Variants in CDC42BPB observed in about 807,000 individuals in gnomAD.
The protein encoded by CDC42BPB is serine/threonine-protein kinase MRCK beta.
Under a neutral mutation model 214.9 loss-of-function variants are expected in CDC42BPB, and 37 were observed. The observed-to-expected ratio is 0.17, with a 90% CI of 0.13 to 0.23. The LOEUF is 0.23. Among genes scored for constraint, CDC42BPB ranks in the 10% least tolerant of loss-of-function variants. The pLI is 1.00. For missense variants in CDC42BPB, 1,694 were observed against 2,227.0 expected (o/e 0.76, Z 4.82); for synonymous variants, 931 against 884.0 (o/e 1.05, Z -0.94).
At chr14:103,054,996 C>A (rs911007839) in intron 1 of CDC42BPB, among the ~76,000 whole-genome samples, 2 of 152,276 alleles carry the variant, frequency 1.3e-5, no homozygotes, top group African/African-American at 4.8e-5. Flanking sequence ...AGGCCAGAGG[C>A]CAGTGGGACC....
intron 18 of CDC42BPB, among the ~76,000 whole-genome samples, chr14:102,965,665 G>C (rs551169073): frequency 6.6e-6 from 1 of 152,252 alleles, no homozygotes; most frequent in South Asian, 2.1e-4. Flanking sequence ...GAAGAAAATG[G>C]ACAGAGGAAG....
chr14:103,015,263 AT>A (rs1374512520), intron 1 of CDC42BPB, among the ~76,000 whole-genome samples: 1 of 152,222 alleles, frequency 6.6e-6, no homozygotes, highest in African/African-American at 2.4e-5. Flanking sequence ...GAAAAACATT[AT>A]TTCTCAGAAA....
intron 5 of CDC42BPB, among the ~76,000 whole-genome samples, chr14:102,997,450 C>T (rs759474897): frequency 3.3e-5 from 5 of 152,136 alleles, no homozygotes; most frequent in African/African-American, 9.7e-5. Flanking sequence ...ATGAACGGCT[C>T]GGAAAAGCTG....
intron 8 of CDC42BPB, among the ~76,000 whole-genome samples, chr14:102,980,223 G>A (rs921297325): frequency 3.3e-5 from 5 of 152,216 alleles, no homozygotes; most frequent in Non-Finnish European, 7.3e-5. Context: ...GGCTGGGCGC[G>A]ATGGCTCACG....
intron 2 of CDC42BPB, among the ~76,000 whole-genome samples, chr14:103,010,838 T>G (rs1419299644): frequency 6.6e-6 from 1 of 152,138 alleles, no homozygotes; most frequent in Non-Finnish European, 1.5e-5. Flanking sequence ...AAGACCATCC[T>G]GGCTAACACG....
intron 30 of CDC42BPB, chr14:102,941,682 T>G: frequency 2.6e-6 from 1 of 378,542 alleles, no homozygotes. Context: ...AAGATTCTAG[T>G]GAAACAGATT....
At chr14:103,009,512 C>T in intron 2 of CDC42BPB, among the ~76,000 whole-genome samples, 2 of 152,244 alleles carry the variant, frequency 1.3e-5, no homozygotes, top group East Asian at 3.9e-4. Flanking sequence ...TCCCTTCAAT[C>T]AGAGGAGCTC....
At chr14:102,996,265 G>A (rs575079531) in intron 5 of CDC42BPB, among the ~76,000 whole-genome samples, 475 of 152,180 alleles carry the variant, frequency 3.1e-3, no homozygotes, top group Admixed American at 5.4e-3. Context: ...GCGTGAACCC[G>A]GGAGGCGGAG....
At chr14:103,016,562 A>C (rs1162232984) in intron 1 of CDC42BPB, among the ~76,000 whole-genome samples, 1 of 148,676 alleles carries the variant, frequency 6.7e-6, no homozygotes, top group Admixed American at 6.7e-5. Context: ...AGGGGAGGGA[A>C]CCAGGTGAGG....
intron 18 of CDC42BPB, among the ~76,000 whole-genome samples, chr14:102,965,070 T>G (rs1321844911): frequency 1.3e-5 from 2 of 152,074 alleles, no homozygotes; most frequent in African/African-American, 4.8e-5. Context: ...GTAGCTGGGA[T>G]TACAGGTGCC....
intron 1 of CDC42BPB, among the ~76,000 whole-genome samples, chr14:103,038,772 C>T (rs571282615): frequency 6.7e-6 from 1 of 149,880 alleles, no homozygotes; most frequent in Non-Finnish European, 1.5e-5. Flanking sequence ...CTCCTGGACT[C>T]AAGTGATTCG....
In CDC42BPB at chr14:102,940,235, G is replaced by A. The variant is rs35407312; in HGVS notation, c.4498C>T (p.Leu1500=). Residue 1500 remains leucine, a synonymous_variant, in exon 31 of 37, where the codon CTG becomes TTG. Coordinates refer to ENST00000361246, the MANE Select transcript of CDC42BPB (RefSeq NM_006035.4). ...CACCGAGGCCGCCTTACCCTCCGCAGGCCGATGGTCTGCACCCACTCCATG... is the reference window on the plus strand; with the variant it reads ...CACCGAGGCCGCCTTACCCTCCGCAAGCCGATGGTCTGCACCCACTCCATG... ...RTMEWVQTIG[L]RRIRPLNSEG... is the part of the protein sequence containing the mutation. 98 of 1,603,304 alleles carry A rather than the reference G, an allele frequency of 6.1e-5. 2 individuals are homozygous for A. The East Asian group carries it at 2.2e-3, about 36-fold the overall frequency.
intron 1 of CDC42BPB, among the ~76,000 whole-genome samples, chr14:103,016,694 C>T (rs1263636348): frequency 2.0e-5 from 3 of 152,114 alleles, no homozygotes; most frequent in Non-Finnish European, 4.4e-5. Context: ...CGAGAATAAA[C>T]CGTACAACAC....
chr14:102,961,636 C>T (rs999816824), intron 20 of CDC42BPB, among the ~76,000 whole-genome samples: 1 of 151,902 alleles, frequency 6.6e-6, no homozygotes, highest in Non-Finnish European at 1.5e-5. Flanking sequence ...GGTTGAGGTT[C>T]AAGTTCAAAC....
rs1270220706 is a variant in CDC42BPB at position 103,057,307 on chromosome 14, C to T, written c.-134G>A. On this transcript the variant is annotated 5_prime_UTR_variant, in exon 1 of 37. Transcript: ENST00000361246. ...CGCCTCCTCGCCGCCCCGTCCGCGT[C>T]GTCGCGCCCCGGCCTAGGCCGACAT... 1 of 1,058,482 alleles carries T rather than the reference C, an allele frequency of 9.4e-7. No individual in the cohort carries two copies. Among genetic ancestry groups the T allele is most frequent in the Non-Finnish European group, 1.1e-6 (1 of 879,440 alleles). 65.6% of individuals were successfully genotyped at this position (1,058,482 alleles called of 1,614,324 possible). A position where few individuals can be genotyped will look rare whatever the true frequency, so the allele number is the denominator to read the frequency against.
chr14:102,994,235 T>C (rs1894623229), intron 5 of CDC42BPB, among the ~76,000 whole-genome samples: 1 of 152,142 alleles, frequency 6.6e-6, no homozygotes, highest in African/African-American at 2.4e-5. Context: ...ACCAACACAG[T>C]ACACTCTGAG....
chr14:102,950,734 G>A (rs890097680), intron 24 of CDC42BPB, 132 bp from the exon 25 acceptor site: 3 of 1,359,824 alleles, frequency 2.2e-6, no homozygotes, highest in Non-Finnish European at 1.9e-6. Context: ...CGGAGGCCGA[G>A]GTGGGCAGAC....
chr14:103,031,990 A>AT (rs1192491008), intron 1 of CDC42BPB, among the ~76,000 whole-genome samples: 2,489 of 131,562 alleles, frequency 0.019, 64 homozygotes, highest in African/African-American at 0.072. Context: ...TATTATTATT[A>AT]TTTTTTTTTT....
intron 1 of CDC42BPB, among the ~76,000 whole-genome samples, chr14:103,016,981 G>A (rs1886501850): frequency 6.6e-6 from 1 of 152,184 alleles, no homozygotes; most frequent in Non-Finnish European, 1.5e-5. Context: ...GCCCAGAAGT[G>A]AGAGTGTGCT....
Sources: allele counts gnomAD v4.1 joint callset (sites outside exome capture counted in the v4.1 genomes callset), GRCh38; gene constraint gnomAD v4.1.1; transcripts MANE v1.5; gene names NCBI Gene and HGNC (gene_info 2026-07-23, HGNC 2026-07-21).